HIBADH: variants seen among roughly 807,000 people sequenced by gnomAD.
HIBADH encodes the protein 3-hydroxyisobutyrate dehydrogenase, mitochondrial.
Under a neutral mutation model 36.1 loss-of-function variants are expected in HIBADH, and 25 were observed. That is an observed-to-expected ratio of 0.69 (90% confidence interval 0.50 to 0.97). HIBADH has a LOEUF of 0.97. Ranked by LOEUF, HIBADH falls within the 50% of genes least tolerant of loss-of-function variation. The pLI, the probability that HIBADH is intolerant of heterozygous loss-of-function variation, is 0.00. For missense variants in HIBADH, 421 were observed against 418.0 expected (o/e 1.01, Z -0.06); for synonymous variants, 160 against 149.5 (o/e 1.07, Z -0.51).
At chr7:27,593,458 A>G (rs935834899) in intron 4 of HIBADH, among the ~76,000 whole-genome samples, 1 of 152,180 alleles carries the variant, frequency 6.6e-6, no homozygotes, top group Non-Finnish European at 1.5e-5. Context: ...CTAGAAACAT[A>G]ATATTGGTTG....
chr7:27,568,637 T>C lies in HIBADH; in HGVS notation c.485-25537A>G, dbSNP rs771387607. Among the ~76,000 whole-genome samples the C allele has an allele frequency of 1.9e-4, 29 of 151,882 alleles. 1 individual carries two copies. Among genetic ancestry groups the C allele is most frequent in the Non-Finnish European group, 3.5e-4 (24 of 67,954 alleles). On this transcript the variant is annotated intron_variant, in intron 4 of 7. Transcript: ENST00000265395. ...CAGGCCCAGCTAATTTTTTTTTAAATTTTTTTGTATTTTAATAGTGACAGG... is the reference window on the plus strand; with the variant it reads ...CAGGCCCAGCTAATTTTTTTTTAAACTTTTTTGTATTTTAATAGTGACAGG...
At chr7:27,616,674 C>G (rs960992151) in intron 4 of HIBADH, among the ~76,000 whole-genome samples, 8 of 152,088 alleles carry the variant, frequency 5.3e-5, no homozygotes, top group African/African-American at 1.9e-4. Flanking sequence ...ATTACCCAGG[C>G]TGGTCTTGAA....
At chr7:27,579,976 G>A (rs1784765956) in intron 4 of HIBADH, among the ~76,000 whole-genome samples, 1 of 151,340 alleles carries the variant, frequency 6.6e-6, no homozygotes, top group African/African-American at 2.4e-5. Flanking sequence ...TACAAAAACC[G>A]CACTGCATGT....
chr7:27,577,465 G>A (rs1784728716), intron 4 of HIBADH, among the ~76,000 whole-genome samples: 1 of 152,110 alleles, frequency 6.6e-6, no homozygotes, highest in Non-Finnish European at 1.5e-5. Context: ...GCCTGGCCAA[G>A]CATCATTTCT....
intron 4 of HIBADH, among the ~76,000 whole-genome samples, chr7:27,572,717 C>T (rs1265658993): frequency 6.6e-6 from 1 of 151,930 alleles, no homozygotes; most frequent in African/African-American, 2.4e-5. Context: ...ATTTATTATC[C>T]ACGAATCAAG....
At chr7:27,641,633 T>A (rs1785963113) in intron 2 of HIBADH, among the ~76,000 whole-genome samples, 1 of 152,230 alleles carries the variant, frequency 6.6e-6, no homozygotes, top group African/African-American at 2.4e-5. Context: ...ATAAGAATGT[T>A]GACATTTTAA....
chr7:27,662,863 G>T lies in HIBADH; in HGVS notation c.-75C>A, dbSNP rs1400955924. ...CCCACAGACTGCGAGCGTGTGCAGC[G>T]GGACTGGCTGGCTCGCCCACGGAGA... On this transcript the variant is annotated 5_prime_UTR_variant, in exon 1 of 8. Coordinates refer to ENST00000265395, the MANE Select transcript of HIBADH (RefSeq NM_152740.4). 2.1e-5 allele frequency: 25 copies of T among 1,184,608 alleles called. No individual in the cohort carries two copies. The highest frequency in any genetic ancestry group is 3.9e-5 in the Admixed American group (1 of 25,494). The allele number at this position is 1,184,608 out of a possible 1,614,324, so 73.4% of individuals were successfully genotyped here. A position where few individuals can be genotyped will look rare whatever the true frequency, so the allele number is the denominator to read the frequency against.
intron 4 of HIBADH, among the ~76,000 whole-genome samples, chr7:27,615,714 A>G (rs1785413673): frequency 6.6e-6 from 1 of 152,234 alleles, no homozygotes; most frequent in African/African-American, 2.4e-5. Context: ...CTTGCTAATG[A>G]AAATAAAACA....
At chr7:27,534,529 G>A (rs770143721) in intron 6 of HIBADH, among the ~76,000 whole-genome samples, 8 of 152,122 alleles carry the variant, frequency 5.3e-5, no homozygotes, top group Non-Finnish European at 8.8e-5. Flanking sequence ...GGCAAGAGAA[G>A]TGCCATATCT....
At chr7:27,655,116 CATAT>C (rs994680217) in intron 1 of HIBADH, among the ~76,000 whole-genome samples, 1 of 151,932 alleles carries the variant, frequency 6.6e-6, no homozygotes, top group Non-Finnish European at 1.5e-5. Context: ...AAGTCAGTAT[CATAT>C]ATATAGAAAC....
chr7:27,615,154 G>T (rs1056272122), intron 4 of HIBADH, among the ~76,000 whole-genome samples: 1 of 152,014 alleles, frequency 6.6e-6, no homozygotes, highest in Non-Finnish European at 1.5e-5. Flanking sequence ...CAGTTGCCGG[G>T]GTAAATAAAA....
At chr7:27,639,726 T>A (rs1267635773) in intron 2 of HIBADH, among the ~76,000 whole-genome samples, 2 of 149,824 alleles carry the variant, frequency 1.3e-5, no homozygotes, top group Non-Finnish European at 3.0e-5. Flanking sequence ...TCTGATTTTG[T>A]TTTTAAATTA....
chr7:27,606,660 A>G (rs2128291146), intron 4 of HIBADH, among the ~76,000 whole-genome samples: 1 of 152,322 alleles, frequency 6.6e-6, no homozygotes, highest in African/African-American at 2.4e-5. Context: ...TAAACTCATC[A>G]TTATCTTAAA....
chr7:27,657,961 T>A (rs1158304937), intron 1 of HIBADH, among the ~76,000 whole-genome samples: 1 of 152,152 alleles, frequency 6.6e-6, no homozygotes, highest in Admixed American at 6.5e-5. Context: ...TAGTTACTCT[T>A]ACCAAAAATG....
chr7:27,612,575 G>A lies in HIBADH; in HGVS notation c.484+16796C>T, dbSNP rs147329925. ...CTGACCTTAGGTGATCTGCTGCCTC[G>A]GCCTCCCAAAGTGCTGGGATTACAG... On this transcript the variant is annotated intron_variant, in intron 4 of 7. Transcript: ENST00000265395. Among the ~76,000 whole-genome samples, 469 of 151,602 alleles carry A rather than the reference G, an allele frequency of 3.1e-3. 2 individuals carry two copies. The highest frequency in any genetic ancestry group is 8.9e-3 in the African/African-American group (368 of 41,420).
At chr7:27,548,834 C>G (rs1330370774) in intron 4 of HIBADH, among the ~76,000 whole-genome samples, 1 of 152,138 alleles carries the variant, frequency 6.6e-6, no homozygotes, top group Admixed American at 6.5e-5. Flanking sequence ...AATCCTGATT[C>G]CCCCTTTCCT....
At chr7:27,634,602 A>G (rs1443605178) in intron 2 of HIBADH, among the ~76,000 whole-genome samples, 2 of 152,254 alleles carry the variant, frequency 1.3e-5, no homozygotes, top group Non-Finnish European at 2.9e-5. Flanking sequence ...ACAATGGCAT[A>G]CTTTCCTTCT....
rs59073946 is a variant in HIBADH at position 27,650,712 on chromosome 7, TAAA to T, written c.92-1082_92-1080del. Among the ~76,000 whole-genome samples the T allele has an allele frequency of 3.0e-3, 383 of 126,266 alleles. 1 individual carries two copies. The highest frequency in any genetic ancestry group is 8.4e-3 in the East Asian group (35 of 4,174). 82.8% of individuals were successfully genotyped at this position (126,266 alleles called of 152,430 possible). A position where few individuals can be genotyped will look rare whatever the true frequency, so the allele number is the denominator to read the frequency against. ...TTCACCATGTTGACCAGGCTGCCATTAAAAAAAAAAAAAAAAAAGCCTTAAAAA... is the reference window on the plus strand; with the variant it reads ...TTCACCATGTTGACCAGGCTGCCATTAAAAAAAAAAAAAAAGCCTTAAAAA... On this transcript the variant is annotated intron_variant, in intron 1 of 7. Coordinates refer to ENST00000265395, the MANE Select transcript of HIBADH (RefSeq NM_152740.4).
intron 4 of HIBADH, 148 bp from the exon 5 acceptor site, chr7:27,543,248 T>A (rs1784185904): frequency 1.3e-6 from 1 of 767,844 alleles, no homozygotes; most frequent in Non-Finnish European, 2.1e-6. Flanking sequence ...TCTAAATCTC[T>A]ACAGAAATAT....
Sources: gnomAD v4.1 joint callset for allele counts (sites outside exome capture counted in the v4.1 genomes callset) on GRCh38, gnomAD v4.1.1 for gene constraint, MANE v1.5 for transcripts, NCBI Gene and HGNC (gene_info 2026-07-23, HGNC 2026-07-21) for gene names.